The following GADL1 variants were observed in gnomAD, a reference collection of about 807,000 sequenced individuals.
The protein encoded by GADL1 is acidic amino acid decarboxylase GADL1.
A neutral mutation model predicts 69.5 loss-of-function variants in GADL1; 71 were observed. The observed-to-expected ratio is 1.02, with a 90% CI of 0.84 to 1.25. The LOEUF is 1.25. Ranked by LOEUF, GADL1 falls within the 50% of genes most tolerant of loss-of-function variation. The pLI, the probability that GADL1 is intolerant of heterozygous loss-of-function variation, is 0.00. For missense variants in GADL1, 737 were observed against 631.8 expected (o/e 1.17, Z -1.79); for synonymous variants, 254 against 214.4 (o/e 1.18, Z -1.62).
At chr3:30,853,573 G>C (rs1198370525) in intron 4 of GADL1, among the ~76,000 whole-genome samples, 1 of 152,124 alleles carries the variant, frequency 6.6e-6, no homozygotes, top group Non-Finnish European at 1.5e-5. Flanking sequence ...AACTGAAAAT[G>C]TAATGCTTGC....
intron 14 of GADL1, among the ~76,000 whole-genome samples, chr3:30,767,885 A>G (rs1696321302): frequency 6.6e-6 from 1 of 152,196 alleles, no homozygotes; most frequent in Non-Finnish European, 1.5e-5. Context: ...AAGGAAAAAC[A>G]TCAGATCTCA....
chr3:30,826,976 T>G (rs1314131270), intron 11 of GADL1, among the ~76,000 whole-genome samples: 1 of 151,830 alleles, frequency 6.6e-6, no homozygotes, highest in Non-Finnish European at 1.5e-5. Context: ...TCAAGCCATA[T>G]GGATAAGACA....
intron 11 of GADL1, among the ~76,000 whole-genome samples, chr3:30,830,342 G>T (rs1055923069): frequency 6.6e-6 from 1 of 151,918 alleles, no homozygotes; most frequent in East Asian, 1.9e-4. Context: ...ATCTCTGAAG[G>T]TTCTTGTTTC....
chr3:30,826,683 C>G (rs889767992), intron 11 of GADL1, among the ~76,000 whole-genome samples: 1 of 151,386 alleles, frequency 6.6e-6, no homozygotes, highest in Non-Finnish European at 1.5e-5. Flanking sequence ...GAATGTCATT[C>G]TGTTCATTAG....
intron 8 of GADL1, among the ~76,000 whole-genome samples, chr3:30,842,939 G>A (rs941508788): frequency 6.7e-6 from 1 of 150,010 alleles, no homozygotes. Context: ...CATTCTCCAG[G>A]ACTAGGTAGT....
In GADL1 at chr3:30,892,776, C is replaced by T. The variant is rs72852619; in HGVS notation, c.37+1802G>A. On this transcript the variant is annotated intron_variant, in intron 1 of 14. Coordinates refer to ENST00000282538, the MANE Select transcript of GADL1 (RefSeq NM_207359.3). ...AACTATTTTAACCATCCTTCCTTCA[C>T]ATAAAGAAGTCTCCTGTATTATTAG... 6.5e-3 allele frequency among the ~76,000 whole-genome samples: 989 copies of T among 152,302 alleles called. 15 individuals carry two copies. The highest frequency in any genetic ancestry group is 0.023 in the African/African-American group (949 of 41,568).
At chr3:30,827,383 A>T (rs1370086624) in intron 11 of GADL1, among the ~76,000 whole-genome samples, 1 of 151,908 alleles carries the variant, frequency 6.6e-6, no homozygotes, top group Non-Finnish European at 1.5e-5. Context: ...TAGTACAATC[A>T]CAATTACATA....
Position 30,817,842 on chromosome 3 carries a change from T to C in GADL1, c.1050+16011A>G, listed in dbSNP as rs532372092. On this transcript the variant is annotated intron_variant, in intron 11 of 14. Coordinates refer to ENST00000282538, the MANE Select transcript of GADL1 (RefSeq NM_207359.3). ...ATCAAAAGGACATATAATAGTCATA[T>C]GTGCTACTTTGACAAGGGCATAATG... is the stretch of plus-strand genomic sequence containing the variant. Among the ~76,000 whole-genome samples the C allele has an allele frequency of 7.2e-5, 11 of 152,354 alleles. 1 individual carries two copies. In the South Asian group the frequency reaches 2.3e-3, roughly 32 times the overall value.
Position 30,778,523 on chromosome 3 carries a change from T to C in GADL1, c.1303-255A>G, listed in dbSNP as rs11711578. Among the ~76,000 whole-genome samples, 408 of 152,280 alleles carry C rather than the reference T, an allele frequency of 2.7e-3. 2 individuals are homozygous for C. Among genetic ancestry groups the C allele is most frequent in the Middle Eastern group, 0.01 (3 of 294 alleles). On this transcript the variant is annotated intron_variant, in intron 13 of 14. Transcript: ENST00000282538. Reference sequence around the variant, plus strand: ...AAAGATCAGGAAAAAACAGTAAAGTTTGAAGCTGACTCAACCCAGCTCTGA... The same window carrying C: ...AAAGATCAGGAAAAAACAGTAAAGTCTGAAGCTGACTCAACCCAGCTCTGA...
chr3:30,770,656 G>A (rs372847113), intron 14 of GADL1, among the ~76,000 whole-genome samples: 28 of 152,204 alleles, frequency 1.8e-4, no homozygotes, highest in African/African-American at 6.7e-4. Flanking sequence ...CCTAACCTCA[G>A]GCCCATGAGC....
chr3:30,861,506 T>TCC, intron 2 of GADL1, 87 bp downstream of exon 2: 2 of 956,654 alleles, frequency 2.1e-6, no homozygotes, highest in Non-Finnish European at 3.1e-6. Flanking sequence ...AACTTGGCCT[T>TCC]CCCATTTGCT....
intron 1 of GADL1, among the ~76,000 whole-genome samples, chr3:30,874,244 G>A (rs1034666037): frequency 3.3e-5 from 5 of 151,890 alleles, no homozygotes; most frequent in African/African-American, 1.2e-4. Flanking sequence ...TAGCTTCCTG[G>A]GAGTCATCAC....
intron 9 of GADL1, 96 bp from the exon 10 acceptor site, chr3:30,834,377 T>G: frequency 1.1e-6 from 1 of 923,170 alleles, no homozygotes; most frequent in African/African-American, 1.6e-5. Flanking sequence ...GACCTCAATC[T>G]GCATTATTTG....
chr3:30,818,943 T>C (rs577211853), intron 11 of GADL1, among the ~76,000 whole-genome samples: 1 of 152,262 alleles, frequency 6.6e-6, no homozygotes, highest in Non-Finnish European at 1.5e-5. Context: ...CAGGCTTCAT[T>C]GTGTCTTGTT....
intron 1 of GADL1, among the ~76,000 whole-genome samples, chr3:30,874,659 G>A (rs7634026): frequency 0.014 from 2,094 of 151,954 alleles, 40 homozygotes; most frequent in African/African-American, 0.046. Context: ...TCCACCACTC[G>A]TAAGCATCTA....
At chr3:30,853,066 T>G (rs187785227) in intron 4 of GADL1, among the ~76,000 whole-genome samples, 1 of 152,260 alleles carries the variant, frequency 6.6e-6, no homozygotes, top group Non-Finnish European at 1.5e-5. Context: ...GCTCTCCTCG[T>G]GGCTGCCACA....
At chr3:30,786,857 A>G (rs1223658137) in intron 12 of GADL1, among the ~76,000 whole-genome samples, 1 of 152,214 alleles carries the variant, frequency 6.6e-6, no homozygotes, top group Non-Finnish European at 1.5e-5. Context: ...GATCAACATA[A>G]TCTTTTCTAA....
rs139652704 is a variant in GADL1 at position 30,833,919 on chromosome 3, G to A, written c.984C>T (p.Ala328=). Residue 328 remains alanine (A), a synonymous_variant, in exon 11 of 15, where the codon GCC becomes GCT. Transcript: ENST00000282538. ...CCATCAGCATCTTGTGTGGGTTCCA[G>A]GCCACAGAGTCAGCCCTATTGTTTA... ...LHGIHRADSV[A]WNPHKMLMAG... is the part of the protein sequence containing the mutation. The A allele has an allele frequency of 1.4e-4, 231 of 1,612,176 alleles. No individual in the cohort carries two copies. In the African/African-American group the frequency reaches 2.3e-3, roughly 16 times the overall value.
At chr3:30,810,210 G>A (rs771098169) in intron 11 of GADL1, among the ~76,000 whole-genome samples, 11 of 152,250 alleles carry the variant, frequency 7.2e-5, no homozygotes, top group South Asian at 4.2e-4. Flanking sequence ...GGTTCAAGCC[G>A]TTTCCAGAAA....
Sources: gnomAD v4.1 joint callset for allele counts (sites outside exome capture counted in the v4.1 genomes callset) on GRCh38, gnomAD v4.1.1 for gene constraint, MANE v1.5 for transcripts, NCBI Gene and HGNC (gene_info 2026-07-23, HGNC 2026-07-21) for gene names.